CCDC85C: variants seen among roughly 807,000 people sequenced by gnomAD.
The protein encoded by CCDC85C is coiled-coil domain-containing protein 85C.
In CCDC85C, 18 loss-of-function variants were observed where a neutral mutation model predicts 38.3. That is an observed-to-expected ratio of 0.47 (90% CI 0.33 to 0.70). The LOEUF is 0.70. Among genes scored for constraint, CCDC85C ranks in the 30% least tolerant of loss-of-function variants. The pLI is 0.03. For missense variants in CCDC85C, 566 were observed against 621.2 expected (o/e 0.91, Z 0.94); for synonymous variants, 264 against 293.8 (o/e 0.90, Z 1.04).
intron 1 of CCDC85C, among the ~76,000 whole-genome samples, chr14:99,540,710 G>C (rs548562043): frequency 6.6e-6 from 1 of 152,318 alleles, no homozygotes; most frequent in African/African-American, 2.4e-5. Context: ...CTGCCAACCG[G>C]GGAGGAGGGT....
intron 1 of CCDC85C, among the ~76,000 whole-genome samples, chr14:99,542,758 T>C (rs956953416): frequency 3.3e-5 from 5 of 152,230 alleles, no homozygotes; most frequent in African/African-American, 1.2e-4. Flanking sequence ...CATCCCGAGG[T>C]GGCCACTGCC....
intron 3 of CCDC85C, among the ~76,000 whole-genome samples, chr14:99,521,061 G>A (rs541193377): frequency 1.3e-5 from 2 of 152,310 alleles, no homozygotes; most frequent in South Asian, 2.1e-4. Context: ...TGCAGGCCAC[G>A]CGGAAGACTT....
Position 99,522,116 on chromosome 14 carries a change from T to C in CCDC85C, c.975+17A>G. The stretch of plus-strand genomic sequence containing the variant: ...CCTCATCCAGAACATGTGGGCTTTT[T>C]TGGGGTGCACACTCACGTTCTGCAG... On this transcript the variant is annotated intron_variant, in intron 3 of 5. Transcript: ENST00000380243. The C allele has an allele frequency of 6.5e-7, 1 of 1,537,794 alleles. No homozygotes were observed. Among genetic ancestry groups the C allele is most frequent in the East Asian group, 2.4e-5 (1 of 40,840 alleles).
Position 99,516,188 on chromosome 14 carries a change from G to A in CCDC85C, c.1170C>T (p.Asn390=), listed in dbSNP as rs374451271. 6.9e-5 allele frequency: 107 copies of A among 1,550,748 alleles called. No individual in the cohort carries two copies. The Middle Eastern group carries it at 8.3e-4, about 12-fold the overall frequency. ...TGCCCCCCACCCCTGGAAGCCTCAC[G>A]TTGCACATCTCGCGAACGATGGCCT... ...KEKAIVREMC[N]VVWRKLGDAA... is the part of the protein sequence containing the mutation. Residue 390 remains asparagine (N), a splice_region_variant and synonymous_variant, in exon 5 of 6, where the codon AAC becomes AAT. Coordinates refer to ENST00000380243, the MANE Select transcript of CCDC85C (RefSeq NM_001144995.2). This position sits in a 1 kb window ranked among gnomAD's most constrained non-coding sequence, Gnocchi z 5.5.
intron 1 of CCDC85C, among the ~76,000 whole-genome samples, chr14:99,542,896 C>G (rs931946326): frequency 6.6e-6 from 1 of 152,218 alleles, no homozygotes; most frequent in African/African-American, 2.4e-5. Flanking sequence ...CACCAAAGAG[C>G]CCTGTGAGCT....
chr14:99,529,083 T>C (rs1344396861), intron 2 of CCDC85C, among the ~76,000 whole-genome samples: 2 of 152,200 alleles, frequency 1.3e-5, no homozygotes, highest in African/African-American at 2.4e-5. Context: ...ATTCCCAATC[T>C]GCACTCAGAT....
At chr14:99,589,462 C>T (rs1049824829) in intron 1 of CCDC85C, among the ~76,000 whole-genome samples, 2 of 152,188 alleles carry the variant, frequency 1.3e-5, no homozygotes, top group Non-Finnish European at 2.9e-5. Context: ...CGACCACGAA[C>T]GTGCATTCAG....
rs186678006 is a variant in CCDC85C at position 99,529,810 on chromosome 14, G to A, written c.867+6205C>T. Among the ~76,000 whole-genome samples the A allele has an allele frequency of 4.4e-4, 67 of 152,304 alleles. 2 individuals carry two copies. The East Asian group carries it at 0.012, about 28-fold the overall frequency. On this transcript the variant is annotated intron_variant, in intron 2 of 5. Coordinates refer to ENST00000380243, the MANE Select transcript of CCDC85C (RefSeq NM_001144995.2). ...GTTTGCACATAAACTGGCATCAGGCGGAGGCTGGCGGAGGCTATGGCTGGC... is the reference window on the plus strand; with the variant it reads ...GTTTGCACATAAACTGGCATCAGGCAGAGGCTGGCGGAGGCTATGGCTGGC...
At position 99,510,701 on chromosome 14, in the gene CCDC85C, A is replaced by G. The variant is rs543366823; in HGVS notation, c.*4545T>C. On this transcript the variant is annotated 3_prime_UTR_variant, in exon 6 of 6. Transcript: ENST00000380243. ...CACCTCCTGCCGTCCCCCCTGGAGG[A>G]CAGCCTCCTGTGCCCCCGCCCATTC... 6.6e-6 allele frequency: 9 copies of G among 1,369,760 alleles called. No homozygotes were observed. In the East Asian group the frequency reaches 1.7e-4, roughly 26 times the overall value. The allele number at this position is 1,369,760 out of a possible 1,614,324, so 84.9% of individuals were successfully genotyped here. A position where few individuals can be genotyped will look rare whatever the true frequency, so the allele number is the denominator to read the frequency against.
rs1165585246 is a variant in CCDC85C at position 99,504,881 on chromosome 14, A to G, written c.*10365T>C. 6.6e-6 allele frequency: 1 copy of G among 152,338 alleles called. No individual in the cohort carries two copies. Among genetic ancestry groups the G allele is most frequent in the African/African-American group, 2.4e-5 (1 of 41,458 alleles). 9.4% of individuals were successfully genotyped at this position (152,338 alleles called of 1,614,324 possible). A position where few individuals can be genotyped will look rare whatever the true frequency, so the allele number is the denominator to read the frequency against. On this transcript the variant is annotated 3_prime_UTR_variant, in exon 6 of 6. Transcript: ENST00000380243. Reference sequence around the variant, plus strand: ...GTCTGTCAGAGGCAGGAAACAAACTATATATGACCTTGAAGGAAGAGTTGC... The same window carrying G: ...GTCTGTCAGAGGCAGGAAACAAACTGTATATGACCTTGAAGGAAGAGTTGC...
At chr14:99,546,061 G>A (rs185997244) in intron 1 of CCDC85C, among the ~76,000 whole-genome samples, 3 of 151,708 alleles carry the variant, frequency 2.0e-5, no homozygotes, top group East Asian at 1.9e-4. Flanking sequence ...TCTGCATGGG[G>A]GGGGGGAATA....
At chr14:99,528,690 G>A (rs1472352614) in intron 2 of CCDC85C, among the ~76,000 whole-genome samples, 1 of 152,250 alleles carries the variant, frequency 6.6e-6, no homozygotes, top group Non-Finnish European at 1.5e-5. Flanking sequence ...GCCCTATCTG[G>A]CCCCCTGTTC....
Position 99,502,033 on chromosome 14 carries a change from AC to A in CCDC85C, c.*13212del. On this transcript the variant is annotated 3_prime_UTR_variant, in exon 6 of 6. Transcript: ENST00000380243. The stretch of plus-strand genomic sequence containing the variant: ...GAAATTACTAACTATGGTTAAAGTA[AC>A]TTAGTCGGGTACCTTTAGAAGAGTA... 1 of 639,124 alleles carries A rather than the reference AC, an allele frequency of 1.6e-6. No individual in the cohort carries two copies. Among genetic ancestry groups the A allele is most frequent in the Non-Finnish European group, 2.4e-6 (1 of 418,160 alleles). The allele number at this position is 639,124 out of a possible 1,614,324, so 39.6% of individuals were successfully genotyped here.
intron 1 of CCDC85C, among the ~76,000 whole-genome samples, chr14:99,581,979 G>T (rs1282948763): frequency 6.6e-6 from 1 of 152,172 alleles, no homozygotes; most frequent in Non-Finnish European, 1.5e-5. Flanking sequence ...ATCAGAGCAT[G>T]CCCCGTTTCC....
intron 1 of CCDC85C, among the ~76,000 whole-genome samples, chr14:99,598,704 G>A (rs190416826): frequency 2.0e-5 from 3 of 152,228 alleles, no homozygotes; most frequent in East Asian, 1.9e-4. Context: ...GACCCAAGAC[G>A]CATCCCAGGC....
In CCDC85C at chr14:99,572,272, G is replaced by A. The variant is rs1371794922; in HGVS notation, c.793+30895C>T. On this transcript the variant is annotated intron_variant, in intron 1 of 5. Transcript: ENST00000380243. The surrounding 1 kb of genome is among the most constrained non-coding windows in gnomAD (Gnocchi z 4.4). ...CTCCCCGAGAGTCCCTCCCTCCCCAGGGATGGGTCTTTTCATGCCATCACT... is the reference window on the plus strand; with the variant it reads ...CTCCCCGAGAGTCCCTCCCTCCCCAAGGATGGGTCTTTTCATGCCATCACT... 1.3e-5 allele frequency among the ~76,000 whole-genome samples: 2 copies of A among 152,240 alleles called. No individual in the cohort carries two copies. The highest frequency in any genetic ancestry group is 3.9e-4 in the East Asian group (2 of 5,174).
intron 1 of CCDC85C, among the ~76,000 whole-genome samples, chr14:99,578,536 CAT>C (rs961419795): frequency 3.2e-4 from 48 of 152,316 alleles, no homozygotes; most frequent in African/African-American, 9.6e-4. Context: ...TGACTGTGCA[CAT>C]GTCTCCACAC....
chr14:99,570,188 C>A (rs1396591403), intron 1 of CCDC85C, among the ~76,000 whole-genome samples: 1 of 152,154 alleles, frequency 6.6e-6, no homozygotes, highest in Non-Finnish European at 1.5e-5. Flanking sequence ...CTCATTGCAG[C>A]CCTGCAATAT....
Position 99,516,112 on chromosome 14 carries a change from A to G in CCDC85C, c.1170+76T>C. 9.1e-7 allele frequency: 1 copy of G among 1,098,454 alleles called. No homozygotes were observed. Among genetic ancestry groups the G allele is most frequent in the South Asian group, 1.3e-5 (1 of 74,988 alleles). 68.0% of individuals were successfully genotyped at this position (1,098,454 alleles called of 1,614,324 possible). A position where few individuals can be genotyped will look rare whatever the true frequency, so the allele number is the denominator to read the frequency against. ...CGAGAAATGGAGTCCCACATGGGGA[A>G]GGGTATGGCCATGCTGGGTGGCCCT... On this transcript the variant is annotated intron_variant, in intron 5 of 5. Transcript: ENST00000380243. The surrounding 1 kb of genome is among the most constrained non-coding windows in gnomAD (Gnocchi z 5.5).
Sources: allele counts gnomAD v4.1 joint callset (sites outside exome capture counted in the v4.1 genomes callset), GRCh38; gene constraint gnomAD v4.1.1; non-coding constraint Gnocchi (gnomAD v3.1); transcripts MANE v1.5; gene names NCBI Gene and HGNC (gene_info 2026-07-23, HGNC 2026-07-21).